SLCO6A1: variants seen among roughly 807,000 people sequenced by gnomAD.
The protein encoded by SLCO6A1 is solute carrier organic anion transporter family member 6A1, also known as cancer/testis antigen 48.
SLCO6A1 carries 65 observed loss-of-function variants against 72.7 expected under a neutral mutation model. The ratio of observed to expected loss-of-function variants is 0.89; its 90% confidence interval spans 0.73 to 1.10. The LOEUF (loss-of-function observed/expected upper bound fraction) is 1.10, where lower values mean the gene tolerates loss of function less well. SLCO6A1 is among the 50% of genes least tolerant of loss of function. The probability of loss-of-function intolerance (pLI) is 0.00; values close to 1 mark genes in which losing one functional copy is unlikely to be tolerated. For synonymous variants in SLCO6A1, 314 were observed against 298.2 expected (o/e 1.05, Z -0.55); for missense variants, 874 against 872.6 (o/e 1.00, Z -0.02).
intron 7 of SLCO6A1, among the ~76,000 whole-genome samples, chr5:102,427,864 A>ATAT (rs1409007399): frequency 3.9e-5 from 3 of 76,264 alleles, no homozygotes; most frequent in East Asian, 3.3e-4. Context: ...ATATATATAT[A>ATAT]TTTTTTTTTT....
intron 7 of SLCO6A1, among the ~76,000 whole-genome samples, chr5:102,425,067 C>T (rs2112631379): frequency 6.6e-6 from 1 of 152,248 alleles, no homozygotes; most frequent in Non-Finnish European, 1.5e-5. Flanking sequence ...TAAAATTTAA[C>T]ACCCCTTCAT....
intron 12 of SLCO6A1, among the ~76,000 whole-genome samples, chr5:102,382,500 T>C (rs1183464253): frequency 6.6e-6 from 1 of 151,714 alleles, no homozygotes; most frequent in Non-Finnish European, 1.5e-5. Context: ...TAGGATTTTT[T>C]TTTTTTCTAT....
At chr5:102,457,680 G>A (rs879502160) in intron 6 of SLCO6A1, among the ~76,000 whole-genome samples, 92 of 152,124 alleles carry the variant, frequency 6.0e-4, no homozygotes, top group Non-Finnish European at 1.1e-3. Flanking sequence ...CAACCATTGC[G>A]GAAGTCAATG....
chr5:102,486,265 A>T (rs1752439085), intron 1 of SLCO6A1, among the ~76,000 whole-genome samples: 1 of 152,176 alleles, frequency 6.6e-6, no homozygotes, highest in African/African-American at 2.4e-5. Context: ...TCTAAAATAA[A>T]TCTTGTATGC....
chr5:102,486,043 T>TTGAAAAATA (rs1433216036), intron 1 of SLCO6A1, among the ~76,000 whole-genome samples: 1 of 152,240 alleles, frequency 6.6e-6, no homozygotes, highest in Non-Finnish European at 1.5e-5. Flanking sequence ...GAATATTTCT[T>TTGAAAAATA]TGAAAAATAT....
intron 6 of SLCO6A1, among the ~76,000 whole-genome samples, chr5:102,451,897 G>C (rs991148827): frequency 1.3e-5 from 2 of 152,150 alleles, no homozygotes; most frequent in African/African-American, 4.8e-5. Flanking sequence ...ATATAGTTTT[G>C]AAAATTATGT....
At chr5:102,436,028 T>C (rs1368344170) in intron 7 of SLCO6A1, among the ~76,000 whole-genome samples, 2 of 152,232 alleles carry the variant, frequency 1.3e-5, no homozygotes, top group African/African-American at 2.4e-5. Flanking sequence ...TTTAATATAC[T>C]GTATTAGACT....
At chr5:102,495,480 T>C in intron 1 of SLCO6A1, among the ~76,000 whole-genome samples, 1 of 151,866 alleles carries the variant, frequency 6.6e-6, no homozygotes. Flanking sequence ...CTGTAATCCC[T>C]ACTACTTGGG....
intron 7 of SLCO6A1, among the ~76,000 whole-genome samples, chr5:102,432,319 C>A (rs917866390): frequency 2.0e-5 from 3 of 152,106 alleles, no homozygotes; most frequent in Non-Finnish European, 4.4e-5. Context: ...TGTGTGATTG[C>A]TTTATAGTGT....
At chr5:102,484,688 A>G (rs1171043815) in intron 1 of SLCO6A1, among the ~76,000 whole-genome samples, 1 of 152,102 alleles carries the variant, frequency 6.6e-6, no homozygotes, top group African/African-American at 2.4e-5. Flanking sequence ...TTATAGATAA[A>G]TTACTTTTAT....
intron 12 of SLCO6A1, among the ~76,000 whole-genome samples, chr5:102,380,983 T>A (rs940227284): frequency 6.6e-6 from 1 of 151,950 alleles, no homozygotes; most frequent in East Asian, 1.9e-4. Context: ...AAAGGGTATA[T>A]ATTTATAGTA....
intron 6 of SLCO6A1, among the ~76,000 whole-genome samples, chr5:102,450,650 G>C (rs745577019): frequency 1.4e-4 from 21 of 152,216 alleles, no homozygotes; most frequent in Non-Finnish European, 2.8e-4. Context: ...CCCTGGCTTG[G>C]AGGCACCAGG....
intron 8 of SLCO6A1, among the ~76,000 whole-genome samples, chr5:102,417,779 G>A (rs1748368008): frequency 6.6e-6 from 1 of 151,854 alleles, no homozygotes; most frequent in Non-Finnish European, 1.5e-5. Flanking sequence ...TATGTAGTGT[G>A]GGTCAGGAGT....
intron 4 of SLCO6A1, among the ~76,000 whole-genome samples, chr5:102,463,958 A>C (rs1751181185): frequency 6.6e-6 from 1 of 151,994 alleles, no homozygotes; most frequent in African/African-American, 2.4e-5. Context: ...GGAACTGCGC[A>C]TGTTCTCACT....
At chr5:102,498,425 C>G in intron 1 of SLCO6A1, 62 bp downstream of exon 1, 1 of 1,501,038 alleles carries the variant, frequency 6.7e-7, no homozygotes, top group Non-Finnish European at 9.0e-7. Flanking sequence ...ACTCCCTCTC[C>G]CGCCTCCGCC....
At chr5:102,480,100 A>G in intron 2 of SLCO6A1, 77 bp downstream of exon 2, 2 of 1,304,970 alleles carry the variant, frequency 1.5e-6, no homozygotes, top group Non-Finnish European at 1.1e-6. Context: ...TAATTATCAC[A>G]GTCTATTTTA....
In SLCO6A1 at chr5:102,481,744, C is replaced by T. The variant is rs146392500; in HGVS notation, c.359-1310G>A. Among the ~76,000 whole-genome samples the T allele has an allele frequency of 2.2e-3, 331 of 152,284 alleles. 3 individuals are homozygous for T. Among genetic ancestry groups the T allele is most frequent in the African/African-American group, 7.3e-3 (305 of 41,556 alleles). Reference sequence around the variant, plus strand: ...TTATCATTTTACAGAAATGCTGTTACACTTTCTCCCAAAAAAGAGAGGTAC... The same window carrying T: ...TTATCATTTTACAGAAATGCTGTTATACTTTCTCCCAAAAAAGAGAGGTAC... On this transcript the variant is annotated intron_variant, in intron 1 of 13. Transcript: ENST00000506729.
intron 12 of SLCO6A1, among the ~76,000 whole-genome samples, chr5:102,383,768 T>C (rs1378105190): frequency 6.6e-6 from 1 of 151,842 alleles, no homozygotes. Flanking sequence ...TGAGAAAGGT[T>C]AGTATTATTT....
intron 1 of SLCO6A1, among the ~76,000 whole-genome samples, chr5:102,491,997 G>A (rs143928041): frequency 7.9e-5 from 12 of 152,372 alleles, no homozygotes; most frequent in African/African-American, 2.4e-4. Context: ...AAAGTGAAGC[G>A]AAAGCAGTCA....
Sources: gnomAD v4.1 joint callset for allele counts (sites outside exome capture counted in the v4.1 genomes callset) on GRCh38, gnomAD v4.1.1 for gene constraint, MANE v1.5 for transcripts, NCBI Gene and HGNC (gene_info 2026-07-23, HGNC 2026-07-21) for gene names.